The following WDR91 variants were observed in gnomAD, a reference collection of about 807,000 sequenced individuals.
WDR91 encodes WD repeat domain 91, also known as WD repeat-containing protein 91.
In WDR91, 52 loss-of-function variants were observed where a neutral mutation model predicts 88.4. The ratio of observed to expected loss-of-function variants is 0.59; its 90% CI spans 0.47 to 0.74. WDR91 has a LOEUF of 0.74. Among genes scored for constraint, WDR91 ranks in the 30% least tolerant of loss-of-function variants. WDR91 has a pLI of 0.00. For synonymous variants in WDR91, 362 were observed against 389.5 expected (o/e 0.93, Z 0.83); for missense variants, 824 against 954.5 (o/e 0.86, Z 1.80).
chr7:135,206,614 A>G (rs1331132164), intron 4 of WDR91, among the ~76,000 whole-genome samples: 1 of 152,110 alleles, frequency 6.6e-6, no homozygotes, highest in African/African-American at 2.4e-5. Context: ...TGTACAGGCA[A>G]ATGTGGGTCC....
At chr7:135,192,878 CA>C (rs1341072089) in intron 11 of WDR91, among the ~76,000 whole-genome samples, 1 of 152,188 alleles carries the variant, frequency 6.6e-6, no homozygotes, top group Non-Finnish European at 1.5e-5. Context: ...GCTGTCTGGT[CA>C]CCTCGCTTCT....
chr7:135,208,722 G>T, intron 3 of WDR91, 69 bp downstream of exon 3: 1 of 1,399,080 alleles, frequency 7.1e-7, no homozygotes, highest in Non-Finnish European at 9.6e-7. Context: ...ATGGAGACCA[G>T]CGGGCTACTG....
chr7:135,193,556 T>G, intron 10 of WDR91, 22 bp downstream of exon 10: 1 of 1,613,562 alleles, frequency 6.2e-7, no homozygotes, highest in Non-Finnish European at 8.5e-7. Flanking sequence ...GCCTTGATGG[T>G]GGGGGGTAGG....
chr7:135,208,784 AG>A lies in WDR91; in HGVS notation c.511+6del. 1 of 1,576,136 alleles carries A rather than the reference AG, an allele frequency of 6.3e-7. No individual in the cohort carries two copies. The highest frequency in any genetic ancestry group is 8.6e-7 in the Non-Finnish European group (1 of 1,156,312). On this transcript the variant is annotated splice_donor_region_variant and intron_variant, in intron 3 of 14. Transcript: ENST00000354475. ...GGGCCTTCAGCCCCAGGCAACTGAA[AG>A]GATATGCATGCACTGAAACAGGACG... is the stretch of plus-strand genomic sequence containing the variant.
chr7:135,197,701 A>C, intron 7 of WDR91: 1 of 294,294 alleles, frequency 3.4e-6, no homozygotes, highest in Non-Finnish European at 6.3e-6. Flanking sequence ...AAGGATGAGT[A>C]TGCAAAGGTT....
intron 11 of WDR91, 114 bp from the exon 12 acceptor site, chr7:135,189,566 T>G (rs1004714408): frequency 2.7e-6 from 2 of 751,904 alleles, no homozygotes; most frequent in African/African-American, 3.5e-5. Context: ...TCCTCCCTTA[T>G]GTAATCTGGA....
intron 11 of WDR91, among the ~76,000 whole-genome samples, chr7:135,192,986 T>C (rs528585011): frequency 1.4e-4 from 21 of 152,284 alleles, no homozygotes; most frequent in African/African-American, 5.1e-4. Flanking sequence ...GCACGAGTCC[T>C]CTCCTAAATA....
chr7:135,196,466 G>A lies in WDR91; in HGVS notation c.1051-129C>T. On this transcript the variant is annotated intron_variant, in intron 7 of 14. Transcript: ENST00000354475. The surrounding 1 kb of genome is among the most constrained non-coding windows in gnomAD (Gnocchi z 4.2). ...CTCGGTAATTACAGAGTGGAGAGGA[G>A]AGCTCTGACCTGCGAGGGTAGTGCT... is the stretch of plus-strand genomic sequence containing the variant. The A allele has an allele frequency of 1.1e-6, 1 of 909,676 alleles. No homozygotes were observed. The highest frequency in any genetic ancestry group is 1.6e-6 in the Non-Finnish European group (1 of 642,366). 56.4% of individuals were successfully genotyped at this position (909,676 alleles called of 1,614,324 possible).
chr7:135,191,129 G>C (rs1831148570), intron 11 of WDR91, among the ~76,000 whole-genome samples: 1 of 152,212 alleles, frequency 6.6e-6, no homozygotes, highest in African/African-American at 2.4e-5. Flanking sequence ...CCCGGTCTCA[G>C]CAAAGGCAGC....
At chr7:135,192,960 A>G (rs960112705) in intron 11 of WDR91, among the ~76,000 whole-genome samples, 2 of 152,134 alleles carry the variant, frequency 1.3e-5, no homozygotes, top group African/African-American at 4.8e-5. Flanking sequence ...TTAAGGTAAC[A>G]GTATGTCAGA....
chr7:135,206,241 A>G (rs1404778132), intron 4 of WDR91, among the ~76,000 whole-genome samples, 183 bp from the exon 5 acceptor site: 3 of 152,214 alleles, frequency 2.0e-5, no homozygotes, highest in African/African-American at 4.8e-5. Context: ...CTGGACAACA[A>G]TGAGGTGAGA....
At chr7:135,190,319 G>A (rs181796175) in intron 11 of WDR91, among the ~76,000 whole-genome samples, 1 of 152,136 alleles carries the variant, frequency 6.6e-6, no homozygotes, top group East Asian at 1.9e-4. Context: ...TCACAGAAAG[G>A]GATAACAAGA....
At chr7:135,202,705 A>G (rs1831616738) in intron 6 of WDR91, among the ~76,000 whole-genome samples, 1 of 152,226 alleles carries the variant, frequency 6.6e-6, no homozygotes, top group African/African-American at 2.4e-5. Flanking sequence ...AAAGGACTCA[A>G]CATTCCACAC....
intron 6 of WDR91, chr7:135,202,181 G>A (rs929889684): frequency 1.3e-5 from 2 of 152,236 alleles, no homozygotes; most frequent in African/African-American, 4.8e-5. Flanking sequence ...AATGAGCTCT[G>A]CATCTTAGGA....
chr7:135,211,293 C>G, intron 1 of WDR91, 87 bp downstream of exon 1: 1 of 1,493,792 alleles, frequency 6.7e-7, no homozygotes, highest in Non-Finnish European at 8.9e-7. Flanking sequence ...CAGCGCCGCT[C>G]TCGCCCCGGA....
chr7:135,206,711 G>A (rs113114480), intron 4 of WDR91, among the ~76,000 whole-genome samples: 2 of 150,784 alleles, frequency 1.3e-5, no homozygotes, highest in African/African-American at 4.9e-5. Context: ...CTATATATAT[G>A]TGTGTGTGTG....
At chr7:135,203,512 C>T (rs1831647620) in intron 6 of WDR91, among the ~76,000 whole-genome samples, 1 of 152,096 alleles carries the variant, frequency 6.6e-6, no homozygotes, top group Non-Finnish European at 1.5e-5. Flanking sequence ...TATAAGCTGA[C>T]ATCAAAAAAA....
rs1329272069 is a variant in WDR91 at position 135,208,834 on chromosome 7, A to G, written c.468T>C (p.Ile156=). 1.9e-6 allele frequency: 3 copies of G among 1,613,862 alleles called. No individual in the cohort carries two copies. Among genetic ancestry groups the G allele is most frequent in the Admixed American group, 1.7e-5 (1 of 60,006 alleles). The change falls in exon 3 of 15, where the codon ATT becomes ATC. Residue 156 remains isoleucine (I), a synonymous_variant. Transcript: ENST00000354475. ...YFSRQWADTF[I]VSLHNFLSVL... is the part of the protein sequence containing the mutation. ...CGCTCAGGAAGTTGTGCAGGGACAC[A>G]ATGAAGGTGTCAGCCCACTGTCGAG...
At chr7:135,195,185 A>T (rs1831316871) in intron 8 of WDR91, 101 bp from the exon 9 acceptor site, 1 of 1,272,516 alleles carries the variant, frequency 7.9e-7, no homozygotes, top group Non-Finnish European at 1.1e-6. Context: ...TTACTGTTTT[A>T]AAAAAACAAT....
Sources: allele counts gnomAD v4.1 joint callset (sites outside exome capture counted in the v4.1 genomes callset), GRCh38; gene constraint gnomAD v4.1.1; non-coding constraint Gnocchi (gnomAD v3.1); transcripts MANE v1.5; gene names NCBI Gene and HGNC (gene_info 2026-07-23, HGNC 2026-07-21).